The following WNK2 variants were observed in gnomAD, a reference collection of about 807,000 sequenced individuals.
WNK2 encodes serine/threonine-protein kinase WNK2.
WNK2 carries 67 observed loss-of-function variants against 192.1 expected under a neutral mutation model. The ratio of observed to expected loss-of-function variants is 0.35; its 90% CI spans 0.29 to 0.43. The LOEUF (loss-of-function observed/expected upper bound fraction) is 0.43, where lower values mean the gene tolerates loss of function less well. WNK2 is among the 20% of genes least tolerant of loss of function. WNK2 has a pLI of 1.00. For synonymous variants in WNK2, 1,439 were observed against 1,393.9 expected, an observed-to-expected ratio of 1.03 and a Z score of -0.72; for missense variants, 2,698 against 3,089.7, an observed-to-expected ratio of 0.87 and a Z score of 3.01.
chr9:93,279,888 A>G (rs573215631), intron 19 of WNK2, among the ~76,000 whole-genome samples: 9 of 152,228 alleles, frequency 5.9e-5, no homozygotes, highest in Non-Finnish European at 1.2e-4. Context: ...ACTGCATACT[A>G]TATACAAAAA....
At chr9:93,308,210 G>T in intron 27 of WNK2, 118 bp from the exon 28 acceptor site, 1 of 1,459,324 alleles carries the variant, frequency 6.9e-7, no homozygotes, top group Non-Finnish European at 9.1e-7. Context: ...GCAAGGTGCT[G>T]CCTGGCCCAA....
At chr9:93,230,732 C>A (rs552715597) in intron 3 of WNK2, among the ~76,000 whole-genome samples, 156 bp from the exon 4 acceptor site, 1 of 152,244 alleles carries the variant, frequency 6.6e-6, no homozygotes, top group South Asian at 2.1e-4. Flanking sequence ...CGGAACTGTC[C>A]GGCCCTCCCG....
rs771265875 is a variant in WNK2, at chr9:93,318,566, G to A, written c.6628+935G>A. On this transcript the variant is annotated intron_variant, in intron 29 of 29. Transcript: ENST00000427277. Reference sequence around the variant, plus strand: ...AGTGGGCTGCTGTGAGTGAGGATAAGGTGTGTGTTGGGCATAGAAACCCTG... The same window carrying A: ...AGTGGGCTGCTGTGAGTGAGGATAAAGTGTGTGTTGGGCATAGAAACCCTG... 7.4e-6 allele frequency: 12 copies of A among 1,613,720 alleles called. No homozygotes were observed. The South Asian group carries it at 1.2e-4, about 16-fold the overall frequency.
chr9:93,274,549 A>G (rs911162014), intron 19 of WNK2, among the ~76,000 whole-genome samples: 30 of 151,584 alleles, frequency 2.0e-4, no homozygotes, highest in Middle Eastern at 3.4e-3. Flanking sequence ...GAAAAAAAAC[A>G]CATAAAAGAC....
rs140809102 is a variant in WNK2 at position 93,190,651 on chromosome 9, C to T, written c.681+5041C>T. On this transcript the variant is annotated intron_variant, in intron 2 of 29. Coordinates refer to ENST00000427277, the MANE Select transcript of WNK2 (RefSeq NM_006648.4). ...ACATGCCCTCCCGCAGCACTGGAAC[C>T]TTCCGTGGTGGCAGAAACATCCTGC... Among the ~76,000 whole-genome samples the T allele has an allele frequency of 7.6e-3, 1,157 of 152,380 alleles. 7 individuals carry two copies. Among genetic ancestry groups the T allele is most frequent in the Non-Finnish European group, 0.012 (798 of 68,044 alleles).
At chr9:93,214,561 C>T (rs1439789529) in intron 2 of WNK2, among the ~76,000 whole-genome samples, 8 of 152,146 alleles carry the variant, frequency 5.3e-5, no homozygotes, top group Admixed American at 5.2e-4. Flanking sequence ...GCCTCAGCCT[C>T]CCAAAGTGCT....
intron 21 of WNK2, among the ~76,000 whole-genome samples, chr9:93,291,595 T>C (rs1444665714): frequency 1.3e-5 from 2 of 152,192 alleles, no homozygotes; most frequent in Non-Finnish European, 2.9e-5. Flanking sequence ...GTTGTTCCCT[T>C]GTGAGTTTCC....
intron 29 of WNK2, among the ~76,000 whole-genome samples, chr9:93,319,531 G>A (rs544108177): frequency 9.8e-4 from 150 of 152,366 alleles, no homozygotes; most frequent in Non-Finnish European, 1.7e-3. Flanking sequence ...GCAGTGCCAC[G>A]GGCTGTGACC....
chr9:93,297,798 G>C (rs1324621727), intron 23 of WNK2, 55 bp from the exon 24 acceptor site: 2 of 1,513,784 alleles, frequency 1.3e-6, no homozygotes, highest in East Asian at 2.5e-5. Context: ...AGGAGCTGGC[G>C]GTGTTGGAAA....
intron 2 of WNK2, among the ~76,000 whole-genome samples, chr9:93,210,200 C>T (rs749829131): frequency 3.3e-5 from 5 of 151,988 alleles, no homozygotes; most frequent in Non-Finnish European, 7.4e-5. Flanking sequence ...CGTTCCCACC[C>T]CAGGGATGTG....
At chr9:93,265,072 T>C (rs1425700198) in intron 16 of WNK2, among the ~76,000 whole-genome samples, 2 of 152,242 alleles carry the variant, frequency 1.3e-5, no homozygotes, top group Admixed American at 6.5e-5. Context: ...CAGAGACACC[T>C]TGGACAAAGC....
intron 19 of WNK2, chr9:93,268,962 C>T: frequency 6.5e-7 from 1 of 1,549,278 alleles, no homozygotes. Flanking sequence ...TTTGAGTCTG[C>T]CCTGTTACCC....
At position 93,299,187 on chromosome 9, in the gene WNK2, G is replaced by C. The variant is rs1851151027; in HGVS notation, c.6041G>C (p.Cys2014Ser). ...SGKAVQTQQP[C>S]SVRASLSSDI... is the part of the protein sequence containing the mutation. ...AAGGCAGTGCAGACCCAGCAGCCCT[G>C]CTCCGTCCGGGCCTCCCTGTCTTCG... The change falls in exon 25 of 30, where the codon TGC becomes TCC. Residue 2014 changes from cysteine to serine, a missense_variant. Physicochemically the swap from Cys to Ser is moderately radical, Grantham distance 112. Transcript: ENST00000427277. The C allele has an allele frequency of 3.1e-6, 5 of 1,607,414 alleles. No individual in the cohort carries two copies. The South Asian group carries it at 4.4e-5, about 14-fold the overall frequency.
At chr9:93,233,197 CAA>C (rs11298656) in intron 4 of WNK2, among the ~76,000 whole-genome samples, 29,253 of 98,630 alleles carry the variant, frequency 0.3, 3,001 homozygotes, top group Middle Eastern at 0.39. Flanking sequence ...GATCCAGTCT[CAA>C]AAAAAAAAAA....
At chr9:93,223,526 G>T (rs1480186853) in intron 2 of WNK2, among the ~76,000 whole-genome samples, 5 of 152,250 alleles carry the variant, frequency 3.3e-5, no homozygotes, top group African/African-American at 1.2e-4. Flanking sequence ...TTCCCATGGG[G>T]TTGTGAACAG....
At position 93,229,934 on chromosome 9, in the gene WNK2, G is replaced by T; in HGVS notation, c.854+66G>T. 2 of 1,555,776 alleles carry T rather than the reference G, an allele frequency of 1.3e-6. No homozygotes were observed. ...GGGTGCAGGGCTACCATAGCTGAGG[G>T]TGAGGTCTTGGGCTGCTGGGGTGGT... On this transcript the variant is annotated intron_variant, in intron 3 of 29. Transcript: ENST00000427277. The surrounding 1 kb of genome is among the most constrained non-coding windows in gnomAD (Gnocchi z 4.9).
At chr9:93,274,832 T>TG (rs1170358303) in intron 19 of WNK2, among the ~76,000 whole-genome samples, 4 of 152,244 alleles carry the variant, frequency 2.6e-5, no homozygotes, top group Non-Finnish European at 5.9e-5. Flanking sequence ...TGGTGAACTC[T>TG]GCCAGACATT....
rs566206341 is a variant in WNK2, at chr9:93,268,372, G to A, written c.3914-255G>A. ...TGCACCCCTTGCCCTCTGGTGTGAGGGAAGAGCAGGCAGAAGCCCATCACC... is the reference window on the plus strand; with the variant it reads ...TGCACCCCTTGCCCTCTGGTGTGAGAGAAGAGCAGGCAGAAGCCCATCACC... On this transcript the variant is annotated intron_variant, in intron 18 of 29. Transcript: ENST00000427277. 4.2e-4 allele frequency among the ~76,000 whole-genome samples: 64 copies of A among 152,324 alleles called. 1 individual carries two copies. Among genetic ancestry groups the A allele is most frequent in the African/African-American group, 1.5e-3 (63 of 41,584 alleles).
At chr9:93,315,140 C>T (rs1301561212) in intron 28 of WNK2, among the ~76,000 whole-genome samples, 1 of 152,200 alleles carries the variant, frequency 6.6e-6, no homozygotes, top group Non-Finnish European at 1.5e-5. Flanking sequence ...TTTCATGTCG[C>T]TATAGTTCAA....
Sources: gnomAD v4.1 joint callset for allele counts (sites outside exome capture counted in the v4.1 genomes callset) on GRCh38, gnomAD v4.1.1 for gene constraint, Gnocchi (gnomAD v3.1) non-coding constraint, MANE v1.5 for transcripts, NCBI Gene and HGNC (gene_info 2026-07-23, HGNC 2026-07-21) for gene names.